MOB1B: variants seen among roughly 807,000 people sequenced by gnomAD.
MOB1B encodes the protein MOB1 Mps One Binder homolog B.
In MOB1B, 19 loss-of-function variants were observed where a neutral mutation model predicts 24.4. That is an observed-to-expected ratio of 0.78 (90% CI 0.54 to 1.14). The LOEUF is 1.14. Ranked by LOEUF, MOB1B falls within the 50% of genes most tolerant of loss-of-function variation. The probability of loss-of-function intolerance (pLI) is 0.00; values close to 1 mark genes in which losing one functional copy is unlikely to be tolerated. For synonymous variants in MOB1B, 76 were observed against 82.1 expected, an observed-to-expected ratio of 0.93 and a Z score of 0.40; for missense variants, 243 against 259.6, an observed-to-expected ratio of 0.94 and a Z score of 0.44.
chr4:70,908,333 T>C (rs1057403458), intron 1 of MOB1B, among the ~76,000 whole-genome samples: 1 of 149,218 alleles, frequency 6.7e-6, no homozygotes, highest in Non-Finnish European at 1.5e-5. Flanking sequence ...CGGCCCTCTT[T>C]TTTTTTTTTT....
At chr4:70,924,321 T>C (rs1213684230) in intron 1 of MOB1B, among the ~76,000 whole-genome samples, 1 of 152,220 alleles carries the variant, frequency 6.6e-6, no homozygotes, top group East Asian at 1.9e-4. Context: ...AATTGTACTT[T>C]TGAGTCAGTG....
intron 3 of MOB1B, 81 bp downstream of exon 3, chr4:70,970,105 G>A (rs7674402): frequency 0.095 from 75,164 of 788,924 alleles, 10,330 homozygotes; most frequent in African/African-American, 0.53. Context: ...CTGACCATAT[G>A]ATTTTTCTAC....
intron 1 of MOB1B, among the ~76,000 whole-genome samples, chr4:70,944,321 C>T (rs146778528): frequency 2.7e-4 from 41 of 152,318 alleles, no homozygotes; most frequent in South Asian, 4.1e-4. Flanking sequence ...AGGCGTGAGC[C>T]GCTGCACCCG....
At chr4:70,953,513 G>A (rs2148891140) in intron 1 of MOB1B, among the ~76,000 whole-genome samples, 1 of 152,136 alleles carries the variant, frequency 6.6e-6, no homozygotes, top group South Asian at 2.1e-4. Flanking sequence ...GAGGCTGCAG[G>A]GAACTAAAAA....
chr4:70,962,231 T>C (rs1738334927), intron 2 of MOB1B, among the ~76,000 whole-genome samples: 1 of 152,114 alleles, frequency 6.6e-6, no homozygotes, highest in Non-Finnish European at 1.5e-5. Flanking sequence ...CAAGGACTCT[T>C]GCATTCATCA....
chr4:70,979,602 C>A (rs1739123203), intron 5 of MOB1B, among the ~76,000 whole-genome samples: 2 of 152,186 alleles, frequency 1.3e-5, no homozygotes, highest in African/African-American at 4.8e-5. Context: ...TGAACTGGTT[C>A]TCCTGGGCAT....
chr4:70,957,753 ATT>A (rs10706196), intron 1 of MOB1B, among the ~76,000 whole-genome samples: 1,437 of 121,102 alleles, frequency 0.012, 24 homozygotes, highest in African/African-American at 0.039. Context: ...TCCCTGCCTT[ATT>A]TTTTTTTTTT....
chr4:70,922,894 G>A (rs1736494183), intron 1 of MOB1B, among the ~76,000 whole-genome samples: 1 of 152,062 alleles, frequency 6.6e-6, no homozygotes, highest in Admixed American at 6.6e-5. Flanking sequence ...CAATTGCTTG[G>A]AACCTTAGCC....
At chr4:70,980,857 A>C (rs888019268) in intron 5 of MOB1B, among the ~76,000 whole-genome samples, 2 of 152,166 alleles carry the variant, frequency 1.3e-5, no homozygotes, top group African/African-American at 4.8e-5. Flanking sequence ...TTCTGAGGGC[A>C]TGTGGACATT....
At chr4:70,931,501 G>C (rs1419712183) in intron 1 of MOB1B, among the ~76,000 whole-genome samples, 1 of 152,172 alleles carries the variant, frequency 6.6e-6, no homozygotes, top group Non-Finnish European at 1.5e-5. Flanking sequence ...TGATTGGCTT[G>C]TGGAACTGGT....
At chr4:70,972,359 T>C (rs1346391348) in intron 3 of MOB1B, among the ~76,000 whole-genome samples, 1 of 151,960 alleles carries the variant, frequency 6.6e-6, no homozygotes, top group Non-Finnish European at 1.5e-5. Context: ...GGATTACAGG[T>C]GCATGCCACC....
intron 1 of MOB1B, among the ~76,000 whole-genome samples, chr4:70,948,863 G>T (rs1300856656): frequency 1.3e-5 from 2 of 152,112 alleles, no homozygotes; most frequent in Non-Finnish European, 2.9e-5. Flanking sequence ...TGCCTGCTGG[G>T]GTGGTGGTTA....
rs993939673 is a variant in MOB1B, at chr4:70,912,647, A to T, written c.14+10097A>T. ...AAAGAACAGTGCAAAGAACTTCCAC[A>T]TATTCCTTATCCAGAAACCCCATTG... is the stretch of plus-strand genomic sequence containing the variant. On this transcript the variant is annotated intron_variant, in intron 1 of 5. Coordinates refer to ENST00000309395, the MANE Select transcript of MOB1B (RefSeq NM_173468.4). 2.0e-5 allele frequency among the ~76,000 whole-genome samples: 3 copies of T among 152,168 alleles called. No individual in the cohort carries two copies. The East Asian group carries it at 5.8e-4, about 29-fold the overall frequency.
In MOB1B at chr4:70,985,068, A is replaced by C. The variant is rs1173565469; in HGVS notation, c.*3011A>C. 6.6e-6 allele frequency: 1 copy of C among 151,810 alleles called. No homozygotes were observed. The highest frequency in any genetic ancestry group is 1.5e-5 in the Non-Finnish European group (1 of 68,032). 9.4% of individuals were successfully genotyped at this position (151,810 alleles called of 1,614,324 possible). On this transcript the variant is annotated 3_prime_UTR_variant, in exon 6 of 6. Transcript: ENST00000309395. Reference sequence around the variant, plus strand: ...CCTGTCTTATCAGGATGGATAAAACACTACAGTCTCTTATCAGGAAATAGA... The same window carrying C: ...CCTGTCTTATCAGGATGGATAAAACCCTACAGTCTCTTATCAGGAAATAGA...
intron 1 of MOB1B, among the ~76,000 whole-genome samples, chr4:70,917,525 C>A (rs561754292): frequency 6.6e-6 from 1 of 152,282 alleles, no homozygotes; most frequent in Admixed American, 6.5e-5. Flanking sequence ...AGAGAGCCCT[C>A]TCAGTTGTGA....
intron 2 of MOB1B, among the ~76,000 whole-genome samples, chr4:70,962,910 A>G (rs1738362944): frequency 2.0e-5 from 3 of 152,128 alleles, no homozygotes; most frequent in Admixed American, 1.3e-4. Flanking sequence ...AGGCTGAGGC[A>G]TGAGAATTGC....
At position 70,975,157 on chromosome 4, in the gene MOB1B, G is replaced by A. The variant is rs372659983; in HGVS notation, c.280G>A (p.Glu94Lys). The A allele has an allele frequency of 6.2e-7, 1 of 1,602,376 alleles. No homozygotes were observed. Among genetic ancestry groups the A allele is most frequent in the African/African-American group, 1.3e-5 (1 of 74,350 alleles). Residue 94 changes from glutamate to lysine, a missense_variant, in exon 4 of 6, where the codon GAG becomes AAG. Coordinates refer to ENST00000309395, the MANE Select transcript of MOB1B (RefSeq NM_173468.4). ...CTTTTTATCTCTCCAATGCAGATAT[G>A]AGTATCATTGGGCAGATGGAACGAA... The part of the protein sequence containing the change: ...CPVMSAGPKY[E>K]YHWADGTNIK...
intron 1 of MOB1B, among the ~76,000 whole-genome samples, chr4:70,942,312 CTATTAAA>C (rs942838802): frequency 6.6e-6 from 1 of 151,556 alleles, no homozygotes; most frequent in Non-Finnish European, 1.5e-5. Context: ...TTCTAGTGGT[CTATTAAA>C]TATTTAATAT....
At chr4:70,906,739 C>T (rs1735765008) in intron 1 of MOB1B, among the ~76,000 whole-genome samples, 1 of 152,162 alleles carries the variant, frequency 6.6e-6, no homozygotes, top group Non-Finnish European at 1.5e-5. Context: ...AGTTTGGCCT[C>T]TGTGTATCTT....
Sources: allele counts gnomAD v4.1 joint callset (sites outside exome capture counted in the v4.1 genomes callset), GRCh38; gene constraint gnomAD v4.1.1; transcripts MANE v1.5; gene names NCBI Gene and HGNC (gene_info 2026-07-23, HGNC 2026-07-21).